Variants in SATL1 observed in about 807,000 individuals in gnomAD.
SATL1 encodes the protein spermidine/spermine N(1)-acetyltransferase-like protein 1.
In SATL1, 47 loss-of-function variants were observed where a neutral mutation model predicts 51.8. The observed-to-expected ratio is 0.91, with a 90% CI of 0.72 to 1.16. The LOEUF is 1.16. Among genes scored for constraint, SATL1 ranks in the 50% most tolerant of loss-of-function variants. The probability of loss-of-function intolerance (pLI) is 0.00; values close to 1 mark genes in which losing one functional copy is unlikely to be tolerated. For missense variants in SATL1, 520 were observed against 526.4 expected (o/e 0.99, Z 0.12); for synonymous variants, 176 against 182.4 (o/e 0.97, Z 0.28).
intron 1 of SATL1, 58 bp downstream of exon 1, chrX:85,243,530 G>T (rs1928693857): frequency 8.9e-6 from 1 of 112,027 alleles, no homozygotes; most frequent in African/African-American, 3.2e-5. Flanking sequence ...GAAAAGAAAT[G>T]AAGGGAGGGA....
intron 2 of SATL1, among the ~76,000 whole-genome samples, chrX:85,111,085 C>G (rs1925247980): frequency 8.9e-6 from 1 of 112,994 alleles, no homozygotes; most frequent in Admixed American, 9.3e-5. Flanking sequence ...GATAATTTTG[C>G]TGTTTACTTT....
intron 2 of SATL1, chrX:85,207,210 C>T (rs1166429071): frequency 1.8e-5 from 2 of 111,571 alleles, no homozygotes; most frequent in Admixed American, 1.9e-4. Flanking sequence ...ATCTGAGAAA[C>T]CCAGATCTAG....
chrX:85,134,181 G>A (rs1244044417), intron 2 of SATL1, among the ~76,000 whole-genome samples: 1 of 109,781 alleles, frequency 9.1e-6, no homozygotes. Flanking sequence ...GTGTGTGTGT[G>A]TATAGTGTGT....
chrX:85,136,897 T>C (rs182363705), intron 2 of SATL1, among the ~76,000 whole-genome samples: 3 of 111,796 alleles, frequency 2.7e-5, no homozygotes, highest in African/African-American at 9.7e-5. Flanking sequence ...CAACAGGCTG[T>C]GCTATAAAGA....
At chrX:85,124,159 A>T (rs985244188) in intron 2 of SATL1, among the ~76,000 whole-genome samples, 1 of 111,830 alleles carries the variant, frequency 8.9e-6, no homozygotes, top group Non-Finnish European at 1.9e-5. Flanking sequence ...TTAGAAATTG[A>T]TGTGGAGCTA....
At chrX:85,160,461 A>G (rs1410750549) in intron 2 of SATL1, among the ~76,000 whole-genome samples, 1 of 110,875 alleles carries the variant, frequency 9.0e-6, no homozygotes, top group Non-Finnish European at 1.9e-5. Context: ...AGGAGCTGAC[A>G]GAAAAAATAG....
intron 2 of SATL1, among the ~76,000 whole-genome samples, chrX:85,195,539 G>A (rs1318243992): frequency 5.4e-5 from 6 of 111,641 alleles, no homozygotes; most frequent in Non-Finnish European, 7.5e-5. Flanking sequence ...TAGGCTGGGC[G>A]CAGTGGCTCA....
At chrX:85,165,479 A>G (rs1262652287) in intron 2 of SATL1, among the ~76,000 whole-genome samples, 1 of 97,041 alleles carries the variant, frequency 1.0e-5, no homozygotes, top group Non-Finnish European at 2.1e-5. Flanking sequence ...CTTTAAGTTG[A>G]TTTTCACCTT....
rs920301663 is a variant in SATL1 at position 85,142,265 on chromosome X, G to A, written c.-312-32985C>T. 2.5e-4 allele frequency among the ~76,000 whole-genome samples: 27 copies of A among 105,974 alleles called. 1 individual carries two copies. Among genetic ancestry groups the A allele is most frequent in the Non-Finnish European group, 4.5e-4 (23 of 51,648 alleles). The allele number at this position is 105,974 out of a possible 115,157, so 92.0% of individuals were successfully genotyped here. On this transcript the variant is annotated intron_variant, in intron 2 of 7. Coordinates refer to ENST00000644105, the MANE Select transcript of SATL1 (RefSeq NM_001367857.2). The stretch of plus-strand genomic sequence containing the variant: ...CAAAAAATTAGCCAGGCGTGGTGGC[G>A]GGCACCTGTAGTCCCAGCTACTCAG...
intron 2 of SATL1, among the ~76,000 whole-genome samples, chrX:85,180,899 A>C (rs1214502143): frequency 9.0e-6 from 1 of 110,576 alleles, no homozygotes; most frequent in Non-Finnish European, 1.9e-5. Flanking sequence ...ATATATTTTC[A>C]AGATGCATAT....
intron 2 of SATL1, among the ~76,000 whole-genome samples, chrX:85,139,369 G>A (rs1045352065): frequency 1.8e-4 from 20 of 111,367 alleles, no homozygotes; most frequent in African/African-American, 6.2e-4. Flanking sequence ...AAAAATATGA[G>A]TTGATATATA....
At chrX:85,166,059 T>C (rs1389022815) in intron 2 of SATL1, among the ~76,000 whole-genome samples, 1 of 111,610 alleles carries the variant, frequency 9.0e-6, no homozygotes, top group African/African-American at 3.3e-5. Context: ...GGTGCTGGGA[T>C]AATTGGCAAG....
At chrX:85,221,943 T>A (rs937578036) in intron 2 of SATL1, among the ~76,000 whole-genome samples, 1 of 111,926 alleles carries the variant, frequency 8.9e-6, no homozygotes, top group African/African-American at 3.2e-5. Flanking sequence ...TTTAGCCTCT[T>A]GATGCTGAGG....
At chrX:85,179,232 A>C (rs1290496062) in intron 2 of SATL1, among the ~76,000 whole-genome samples, 1 of 112,167 alleles carries the variant, frequency 8.9e-6, no homozygotes, top group Non-Finnish European at 1.9e-5. Context: ...ACACATTTAA[A>C]ATAATTTACA....
At chrX:85,204,267 G>T (rs964163276) in intron 2 of SATL1, among the ~76,000 whole-genome samples, 2 of 111,682 alleles carry the variant, frequency 1.8e-5, no homozygotes. Context: ...TTCTCTGTGC[G>T]TCAAGTTGTT....
intron 2 of SATL1, among the ~76,000 whole-genome samples, chrX:85,157,967 C>G (rs1337814414): frequency 9.0e-6 from 1 of 111,463 alleles, no homozygotes; most frequent in Non-Finnish European, 1.9e-5. Flanking sequence ...AGGTTAACAA[C>G]TTAATAGAAA....
intron 2 of SATL1, chrX:85,142,854 C>A (rs1199432627): frequency 8.9e-6 from 1 of 112,027 alleles, no homozygotes; most frequent in African/African-American, 3.2e-5. Context: ...ATACTTCCTT[C>A]TCTGTCTTCT....
intron 2 of SATL1, among the ~76,000 whole-genome samples, chrX:85,118,993 A>G: frequency 8.9e-6 from 1 of 112,054 alleles, no homozygotes; most frequent in South Asian, 3.7e-4. Context: ...ATTTCAAAAA[A>G]TTATTATCAT....
intron 1 of SATL1, among the ~76,000 whole-genome samples, chrX:85,229,255 A>G (rs1928332925): frequency 8.9e-6 from 1 of 111,827 alleles, no homozygotes; most frequent in Non-Finnish European, 1.9e-5. Flanking sequence ...AATTAACACC[A>G]ATCCTTCTCA....
Sources: allele counts gnomAD v4.1 joint callset (sites outside exome capture counted in the v4.1 genomes callset), GRCh38; gene constraint gnomAD v4.1.1; transcripts MANE v1.5; gene names NCBI Gene and HGNC (gene_info 2026-07-23, HGNC 2026-07-21).